CEP57: variants seen among roughly 807,000 people sequenced by gnomAD.
CEP57 encodes the protein centrosomal protein 57, also known as centrosomal protein of 57 kDa.
A neutral mutation model predicts 68.0 loss-of-function variants in CEP57; 40 were observed. That is an observed-to-expected ratio of 0.59 (90% CI 0.46 to 0.77). The LOEUF is 0.77. Ranked by LOEUF, CEP57 falls within the 30% of genes least tolerant of loss-of-function variation. CEP57 has a pLI of 0.00. For missense variants in CEP57, 606 were observed against 580.7 expected (o/e 1.04, Z -0.45); for synonymous variants, 219 against 198.7 (o/e 1.10, Z -0.86).
intron 8 of CEP57, among the ~76,000 whole-genome samples, chr11:95,823,945 C>G (rs886837679): frequency 6.6e-6 from 1 of 151,948 alleles, no homozygotes; most frequent in African/African-American, 2.4e-5. Context: ...GAAGTGCTCC[C>G]AAGAAGCAGA....
chr11:95,793,989 T>A (rs942554507), intron 1 of CEP57, among the ~76,000 whole-genome samples: 1 of 152,204 alleles, frequency 6.6e-6, no homozygotes, highest in African/African-American at 2.4e-5. Context: ...ACCACGTTTG[T>A]GGTAGACTAG....
At chr11:95,810,703 C>G (rs1383554878) in intron 2 of CEP57, among the ~76,000 whole-genome samples, 1 of 152,122 alleles carries the variant, frequency 6.6e-6, no homozygotes, top group African/African-American at 2.4e-5. Context: ...AAAGAGGATA[C>G]AAACAAATGG....
intron 4 of CEP57, among the ~76,000 whole-genome samples, chr11:95,814,589 A>G (rs1862221516): frequency 6.6e-6 from 1 of 151,740 alleles, no homozygotes; most frequent in Non-Finnish European, 1.5e-5. Context: ...TGAACTGCCA[A>G]CCTCATGTGA....
Position 95,818,903 on chromosome 11 carries a change from A to T in CEP57, c.698A>T (p.Glu233Val), listed in dbSNP as rs1264656942. The change falls in exon 6 of 11, where the codon GAG becomes GTG. Residue 233 changes from glutamate (E) to valine (V), a missense_variant and splice_region_variant. Physicochemically the swap from Glu to Val is moderately radical, Grantham distance 121. Coordinates refer to ENST00000325542, the MANE Select transcript of CEP57 (RefSeq NM_014679.5). ...AAACGCATGCAAGCTAAGGCAGCTG[A>T]GGTAAGTTAAAATGTGAGAAAGTGG... ...ERKRMQAKAA[E>V]LQTGLETNRL... 1.2e-6 allele frequency: 2 copies of T among 1,613,052 alleles called. No individual in the cohort carries two copies. Among genetic ancestry groups the T allele is most frequent in the Non-Finnish European group, 1.7e-6 (2 of 1,179,136 alleles).
At position 95,818,748 on chromosome 11, in the gene CEP57, G is replaced by C. The variant is rs1248763765; in HGVS notation, c.622-79G>C. The stretch of plus-strand genomic sequence containing the variant: ...ATATTGAGTAGGATAAAATTTACAT[G>C]TTCCAGTGCTGCTATATTAAAATTT... On this transcript the variant is annotated intron_variant, in intron 5 of 10. Coordinates refer to ENST00000325542, the MANE Select transcript of CEP57 (RefSeq NM_014679.5). 5.6e-6 allele frequency: 6 copies of C among 1,073,062 alleles called. No individual in the cohort carries two copies. The Admixed American group carries it at 1.0e-4, about 19-fold the overall frequency. 66.5% of individuals were successfully genotyped at this position (1,073,062 alleles called of 1,614,324 possible). A position where few individuals can be genotyped will look rare whatever the true frequency, so the allele number is the denominator to read the frequency against.
At chr11:95,800,965 T>A (rs1427155727) in intron 2 of CEP57, among the ~76,000 whole-genome samples, 1 of 152,236 alleles carries the variant, frequency 6.6e-6, no homozygotes, top group Non-Finnish European at 1.5e-5. Flanking sequence ...GTTTAATCAC[T>A]AATATTGCAA....
Position 95,831,449 on chromosome 11 carries a change from C to A in CEP57, c.*193C>A, listed in dbSNP as rs952120968. 1 of 512,530 alleles carries A rather than the reference C, an allele frequency of 2.0e-6. No individual in the cohort carries two copies. The highest frequency in any genetic ancestry group is 3.5e-6 in the Non-Finnish European group (1 of 285,964). 31.7% of individuals were successfully genotyped at this position (512,530 alleles called of 1,614,324 possible). A position where few individuals can be genotyped will look rare whatever the true frequency, so the allele number is the denominator to read the frequency against. On this transcript the variant is annotated 3_prime_UTR_variant, in exon 11 of 11. Transcript: ENST00000325542. ...AATGTTAAAGCATTTAAATGGAAAC[C>A]AGGGGAGTTTTAAAGCCCGAGAAAC...
chr11:95,792,687 A>T (rs1481129696), intron 1 of CEP57, among the ~76,000 whole-genome samples: 1 of 152,198 alleles, frequency 6.6e-6, no homozygotes, highest in Non-Finnish European at 1.5e-5. Flanking sequence ...CACTAAGAAT[A>T]TCTAGGAACC....
rs1565338528 is a variant in CEP57 at position 95,832,662 on chromosome 11, C to A, written c.*1406C>A. 6.6e-6 allele frequency: 1 copy of A among 151,938 alleles called. No individual in the cohort carries two copies. 9.4% of individuals were successfully genotyped at this position (151,938 alleles called of 1,614,324 possible). A position where few individuals can be genotyped will look rare whatever the true frequency, so the allele number is the denominator to read the frequency against. On this transcript the variant is annotated 3_prime_UTR_variant, in exon 11 of 11. Coordinates refer to ENST00000325542, the MANE Select transcript of CEP57 (RefSeq NM_014679.5). The stretch of plus-strand genomic sequence containing the variant: ...TCCTGTTATCTCCTTGTTTGAATTT[C>A]AGGTCATTAAATTGTATAACCATCA...
intron 8 of CEP57, among the ~76,000 whole-genome samples, chr11:95,824,850 A>C (rs960573284): frequency 4.6e-5 from 7 of 152,192 alleles, no homozygotes; most frequent in Non-Finnish European, 7.3e-5. Flanking sequence ...AAATATACCC[A>C]ACTGCCAGTC....
intron 2 of CEP57, among the ~76,000 whole-genome samples, chr11:95,807,995 A>G (rs908094722): frequency 9.2e-5 from 14 of 152,244 alleles, no homozygotes; most frequent in Non-Finnish European, 1.9e-4. Flanking sequence ...TGCAAAGGGA[A>G]GCCCATCAGA....
rs1403632435 is a variant in CEP57, at chr11:95,800,957, T to G, written c.202+1569T>G. 2.0e-5 allele frequency among the ~76,000 whole-genome samples: 3 copies of G among 152,214 alleles called. No individual in the cohort carries two copies. In the East Asian group the frequency reaches 5.8e-4, roughly 29 times the overall value. On this transcript the variant is annotated intron_variant, in intron 2 of 10. Transcript: ENST00000325542. ...CATTTCCTTTTTTTGAAAGTTGTGT[T>G]TAATCACTAATATTGCAACAATTCT...
At position 95,813,064 on chromosome 11, in the gene CEP57, T is replaced by A. The variant is rs1296533991; in HGVS notation, c.335T>A (p.Ile112Lys). The part of the protein sequence containing the change: ...IEYKKVLDEQ[I>K]QERENSKNEE... ...TATAAGAAAGTACTGGATGAACAGA[T>A]ACAAGAAAGGGAGAATTCAAAGAAT... The change falls in exon 3 of 11, where the codon ATA (isoleucine) becomes AAA (lysine). Residue 112 changes from isoleucine (I) to lysine (K), a missense_variant. Coordinates refer to ENST00000325542, the MANE Select transcript of CEP57 (RefSeq NM_014679.5). 1.9e-6 allele frequency: 3 copies of A among 1,613,558 alleles called. No homozygotes were observed. Among genetic ancestry groups the A allele is most frequent in the East Asian group, 4.5e-5 (2 of 44,846 alleles).
At chr11:95,826,929 G>T (rs960329755) in intron 8 of CEP57, 7 of 152,164 alleles carry the variant, frequency 4.6e-5, no homozygotes, top group Admixed American at 1.3e-4. Flanking sequence ...AGATTAGAAG[G>T]AAAGCATATG....
Position 95,800,420 on chromosome 11 carries a change from A to G in CEP57, c.202+1032A>G, listed in dbSNP as rs553534247. Among the ~76,000 whole-genome samples, 30 of 151,484 alleles carry G rather than the reference A, an allele frequency of 2.0e-4. 1 individual carries two copies. The highest frequency in any genetic ancestry group is 6.8e-4 in the African/African-American group (28 of 41,218). On this transcript the variant is annotated intron_variant, in intron 2 of 10. Coordinates refer to ENST00000325542, the MANE Select transcript of CEP57 (RefSeq NM_014679.5). ...TATTTTTTATTGTTTTTTTGGAGAC[A>G]GAGTCTCACTCTGTCACCAGGCTGG...
Position 95,829,222 on chromosome 11 carries a change from C to T in CEP57, c.1163C>T (p.Ser388Leu), listed in dbSNP as rs778871999. 1.9e-6 allele frequency: 3 copies of T among 1,613,940 alleles called. No individual in the cohort carries two copies. The highest frequency in any genetic ancestry group is 1.3e-5 in the African/African-American group (1 of 74,954). The change falls in exon 10 of 11, where the codon TCG becomes TTG. Residue 388 changes from serine to leucine, a missense_variant. Transcript: ENST00000325542. ...CAGCTTGCAAAACTTATCCAGGAGT[C>T]GCCAACCGTTGAACTGAAAGACAAG... ...HQQLAKLIQE[S>L]PTVELKDKLE...
chr11:95,816,419 ATAT>A (rs1392107403), intron 4 of CEP57, among the ~76,000 whole-genome samples: 2 of 152,184 alleles, frequency 1.3e-5, no homozygotes, highest in Non-Finnish European at 2.9e-5. Context: ...CAATAATCAT[ATAT>A]TATTATTATG....
intron 10 of CEP57, 106 bp downstream of exon 10, chr11:95,829,437 C>T (rs1862908387): frequency 1.7e-6 from 2 of 1,156,458 alleles, no homozygotes; most frequent in South Asian, 1.3e-5. Context: ...TAAATATCTA[C>T]AGGAGATACT....
intron 8 of CEP57, among the ~76,000 whole-genome samples, chr11:95,825,315 A>C (rs1356783250): frequency 6.6e-6 from 1 of 152,240 alleles, no homozygotes; most frequent in African/African-American, 2.4e-5. Flanking sequence ...GGTGATATGC[A>C]TGATTTCACA....
Sources: gnomAD v4.1 joint callset for allele counts (sites outside exome capture counted in the v4.1 genomes callset) on GRCh38, gnomAD v4.1.1 for gene constraint, MANE v1.5 for transcripts, NCBI Gene and HGNC (gene_info 2026-07-23, HGNC 2026-07-21) for gene names.